The following EPS15L1 variants were observed in gnomAD, a reference collection of about 807,000 sequenced individuals.
EPS15L1 encodes the protein epidermal growth factor receptor pathway substrate 15 like 1.
A neutral mutation model predicts 117.1 loss-of-function variants in EPS15L1; 43 were observed. The ratio of observed to expected loss-of-function variants is 0.37; its 90% CI spans 0.29 to 0.47. The LOEUF is 0.47. Ranked by LOEUF, EPS15L1 falls within the 20% of genes least tolerant of loss-of-function variation. EPS15L1 has a pLI of 0.99. For missense variants in EPS15L1, 981 were observed against 1,164.0 expected (o/e 0.84, Z 2.29); for synonymous variants, 459 against 470.5 (o/e 0.98, Z 0.32).
intron 22 of EPS15L1, among the ~76,000 whole-genome samples, chr19:16,366,760 T>C (rs752035127): frequency 5.3e-5 from 8 of 152,178 alleles, no homozygotes; most frequent in Non-Finnish European, 1.2e-4. Context: ...ACCTTGCTAA[T>C]GACCAGACGC....
intron 19 of EPS15L1, among the ~76,000 whole-genome samples, chr19:16,391,405 A>C (rs2092472611): frequency 6.6e-6 from 1 of 152,136 alleles, no homozygotes; most frequent in Non-Finnish European, 1.5e-5. Flanking sequence ...AAATACTGCA[A>C]ATGAGTCTTT....
intron 10 of EPS15L1, among the ~76,000 whole-genome samples, chr19:16,418,642 C>T (rs775952546): frequency 9.2e-5 from 14 of 152,296 alleles, no homozygotes; most frequent in Non-Finnish European, 2.1e-4. Context: ...CGTTTATGTC[C>T]CCCCAGATTC....
rs527809324 is a variant in EPS15L1, at chr19:16,381,507, C to T, written c.2247+3622G>A. On this transcript the variant is annotated intron_variant, in intron 21 of 23. Transcript: ENST00000455140. This position sits in a 1 kb window ranked among gnomAD's most constrained non-coding sequence, Gnocchi z 4.2. ...GTAAAATGGCAAGAGTGACAGAGCT[C>T]GGAAGGCTCCGGCAAGAAGGAAATG... 7.9e-5 allele frequency among the ~76,000 whole-genome samples: 12 copies of T among 152,332 alleles called. No individual in the cohort carries two copies. Among genetic ancestry groups the T allele is most frequent in the African/African-American group, 2.6e-4 (11 of 41,566 alleles).
At chr19:16,437,920 G>A (rs1222520226) in intron 4 of EPS15L1, 55 bp from the exon 5 acceptor site, 3 of 1,370,106 alleles carry the variant, frequency 2.2e-6, no homozygotes, top group Non-Finnish European at 3.1e-6. Flanking sequence ...TGAGGGTAGG[G>A]GGAGCTGTCT....
chr19:16,448,238 G>A (rs1222719390), intron 1 of EPS15L1, among the ~76,000 whole-genome samples: 1 of 152,132 alleles, frequency 6.6e-6, no homozygotes, highest in Non-Finnish European at 1.5e-5. Context: ...CACTGTGAAA[G>A]AGCCATGTAA....
At chr19:16,425,014 T>C (rs2092855253) in intron 9 of EPS15L1, 69 bp downstream of exon 9, 5 of 1,309,528 alleles carry the variant, frequency 3.8e-6, no homozygotes, top group Non-Finnish European at 5.5e-6. Flanking sequence ...TGGGGTTGCA[T>C]GTTAAGAACT....
At chr19:16,389,867 G>T (rs528344290) in intron 19 of EPS15L1, among the ~76,000 whole-genome samples, 1 of 152,188 alleles carries the variant, frequency 6.6e-6, no homozygotes, top group South Asian at 2.1e-4. Flanking sequence ...ATTTCCTAAA[G>T]CAACCTCTAA....
intron 1 of EPS15L1, among the ~76,000 whole-genome samples, chr19:16,464,469 C>T (rs1222318356): frequency 6.6e-6 from 1 of 152,170 alleles, no homozygotes; most frequent in African/African-American, 2.4e-5. Context: ...GATTTGTAGC[C>T]CAGACACAAA....
intron 13 of EPS15L1, among the ~76,000 whole-genome samples, chr19:16,412,207 C>T (rs1253805138): frequency 4.0e-5 from 6 of 151,892 alleles, no homozygotes; most frequent in South Asian, 2.1e-4. Flanking sequence ...GAGAAGCCAC[C>T]GTCTATGGTT....
chr19:16,471,888 GC>G lies in EPS15L1; in HGVS notation c.33+24del. ...GCCTCGCGCCCCGCACCCCGGCGCC[GC>G]CCCCAGGCCCGCCCGGCCCGTACCT... is the stretch of plus-strand genomic sequence containing the variant. On this transcript the variant is annotated intron_variant, in intron 1 of 23. Transcript: ENST00000455140. This position sits in a 1 kb window ranked among gnomAD's most constrained non-coding sequence, Gnocchi z 4.8. The G allele has an allele frequency of 1.3e-5, 17 of 1,285,662 alleles. No individual in the cohort carries two copies. Among genetic ancestry groups the G allele is most frequent in the Middle Eastern group, 3.0e-4 (1 of 3,352 alleles). The allele number at this position is 1,285,662 out of a possible 1,614,324, so 79.6% of individuals were successfully genotyped here. A position where few individuals can be genotyped will look rare whatever the true frequency, so the allele number is the denominator to read the frequency against.
In EPS15L1 at chr19:16,421,436, C is replaced by T. The variant is rs753979847; in HGVS notation, c.833G>A (p.Arg278Gln). The change falls in exon 10 of 24, where the codon CGA becomes CAA. Residue 278 changes from arginine (R) to glutamine (Q), a missense_variant. Arg to Gln is a conservative substitution (Grantham distance 43, BLOSUM62 1). Coordinates refer to ENST00000455140, the MANE Select transcript of EPS15L1 (RefSeq NM_001258374.3). ...NWVVPVADKM[R>Q]FDEIFLKTDL... Reference sequence around the variant, plus strand: ...GGTCTTCAGGAATATCTCATCAAATCGCATCTTGTCTGCCACGGGCACCAC... The same window carrying T: ...GGTCTTCAGGAATATCTCATCAAATTGCATCTTGTCTGCCACGGGCACCAC... The T allele has an allele frequency of 1.9e-6, 3 of 1,614,020 alleles. No individual in the cohort carries two copies. The highest frequency in any genetic ancestry group is 4.5e-5 in the East Asian group (2 of 44,876).
intron 21 of EPS15L1, among the ~76,000 whole-genome samples, chr19:16,377,899 G>A (rs763442584): frequency 7.2e-5 from 11 of 152,276 alleles, no homozygotes; most frequent in African/African-American, 2.4e-4. Flanking sequence ...CCGGACCCTC[G>A]GTCAGCCTCC....
intron 6 of EPS15L1, chr19:16,434,696 G>A (rs547061427): frequency 7.2e-5 from 35 of 483,574 alleles, no homozygotes; most frequent in East Asian, 6.5e-4. Context: ...TGGCAACCTC[G>A]GATCTGGGAG....
intron 10 of EPS15L1, 80 bp downstream of exon 10, chr19:16,421,239 T>C (rs997894907): frequency 6.8e-7 from 1 of 1,470,256 alleles, no homozygotes; most frequent in East Asian, 2.4e-5. Flanking sequence ...GGGGGCCCCC[T>C]GACCACCACC....
At chr19:16,415,945 G>A (rs748203322) in intron 12 of EPS15L1, among the ~76,000 whole-genome samples, 5 of 152,174 alleles carry the variant, frequency 3.3e-5, no homozygotes, top group African/African-American at 7.2e-5. Context: ...CTTGCTGATC[G>A]CCAGTTTGGA....
At position 16,417,577 on chromosome 19, in the gene EPS15L1, T is replaced by C. The variant is rs2092770899; in HGVS notation, c.1168A>G (p.Ser390Gly). Reference protein sequence around the residue: ...FTGVKELDDISQEIAQLQREK... With the variant: ...FTGVKELDDIGQEIAQLQREK... ...CTTTGTAACTGGGCAATCTCTTGAC[T>C]GATGTCATCAAGCTCCTTCACGCCA... The change falls in exon 12 of 24, where the codon AGT becomes GGT. Residue 390 changes from serine to glycine, a missense_variant. Physicochemically the swap from Ser to Gly is moderately conservative, Grantham distance 56 (BLOSUM62 0). Around this residue, in one of 5 missense-constraint regions of EPS15L1, gnomAD observed 819 missense variants for 949.0 expected, o/e 0.86. Coordinates refer to ENST00000455140, the MANE Select transcript of EPS15L1 (RefSeq NM_001258374.3). The C allele has an allele frequency of 2.5e-6, 4 of 1,614,062 alleles. No homozygotes were observed. The South Asian group carries it at 4.4e-5, about 18-fold the overall frequency.
intron 22 of EPS15L1, among the ~76,000 whole-genome samples, chr19:16,366,187 G>A (rs557790283): frequency 4.1e-4 from 62 of 152,268 alleles, no homozygotes; most frequent in African/African-American, 1.5e-3. Context: ...AGTCCAGGGT[G>A]GACACTGCTT....
In EPS15L1 at chr19:16,365,364, G is replaced by A. The variant is rs1183078102; in HGVS notation, c.2381-3380C>T. ...GTAACTGAGTTAAAACGAAGTCAAA[G>A]GATCAATGACTGTCTTCACTGAAAG... On this transcript the variant is annotated intron_variant, in intron 22 of 23. Coordinates refer to ENST00000455140, the MANE Select transcript of EPS15L1 (RefSeq NM_001258374.3). This position sits in a 1 kb window ranked among gnomAD's most constrained non-coding sequence, Gnocchi z 4.9. Among the ~76,000 whole-genome samples, 1 of 152,170 alleles carries A rather than the reference G, an allele frequency of 6.6e-6. No homozygotes were observed. Among genetic ancestry groups the A allele is most frequent in the Non-Finnish European group, 1.5e-5 (1 of 68,026 alleles).
intron 18 of EPS15L1, among the ~76,000 whole-genome samples, chr19:16,393,648 CAA>C (rs919891560): frequency 2.5e-5 from 2 of 81,612 alleles, no homozygotes; most frequent in African/African-American, 4.5e-5. Flanking sequence ...GACTCCGTCT[CAA>C]AAAAAAAAAA....
Sources: allele counts gnomAD v4.1 joint callset (sites outside exome capture counted in the v4.1 genomes callset), GRCh38; gene constraint gnomAD v4.1.1; regional missense constraint gnomAD v4.1.1; non-coding constraint Gnocchi (gnomAD v3.1); transcripts MANE v1.5; gene names NCBI Gene and HGNC (gene_info 2026-07-23, HGNC 2026-07-21).